LRRC7: variants seen among roughly 807,000 people sequenced by gnomAD.
LRRC7 encodes the protein leucine rich repeat containing 7, also known as leucine-rich repeat-containing protein 7.
A neutral mutation model predicts 175.7 loss-of-function variants in LRRC7; 23 were observed. The ratio of observed to expected loss-of-function variants is 0.13; its 90% CI spans 0.09 to 0.19. LRRC7 has a LOEUF of 0.19. Among genes scored for constraint, LRRC7 ranks in the 10% least tolerant of loss-of-function variants. The pLI is 1.00. For synonymous variants in LRRC7, 685 were observed against 680.9 expected (o/e 1.01, Z -0.09); for missense variants, 1,354 against 1,904.7 (o/e 0.71, Z 5.38).
intron 4 of LRRC7, among the ~76,000 whole-genome samples, chr1:69,811,993 A>G (rs1282446285): frequency 2.0e-5 from 3 of 152,184 alleles, no homozygotes; most frequent in South Asian, 4.1e-4. Context: ...AATGATTCAG[A>G]AATAAAGGAC....
chr1:69,879,043 G>C (rs946957204), intron 7 of LRRC7, among the ~76,000 whole-genome samples: 1 of 150,468 alleles, frequency 6.6e-6, no homozygotes, highest in Non-Finnish European at 1.5e-5. Context: ...AATGTAAACT[G>C]TGGACTTTGG....
intron 23 of LRRC7, among the ~76,000 whole-genome samples, chr1:70,070,780 G>T (rs1336331764): frequency 6.6e-6 from 1 of 152,154 alleles, no homozygotes; most frequent in Non-Finnish European, 1.5e-5. Flanking sequence ...ACCACTGGAT[G>T]ATGGGGAAAG....
intron 8 of LRRC7, among the ~76,000 whole-genome samples, chr1:69,971,491 G>C (rs1652233548): frequency 6.6e-6 from 1 of 152,140 alleles, no homozygotes; most frequent in African/African-American, 2.4e-5. Context: ...ACCAAGCGGA[G>C]AATCAGATCA....
At chr1:70,000,139 A>C (rs1450424292) in intron 11 of LRRC7, among the ~76,000 whole-genome samples, 1 of 152,214 alleles carries the variant, frequency 6.6e-6, no homozygotes, top group African/African-American at 2.4e-5. Context: ...TATAACAAAA[A>C]ATTCATGCTA....
intron 8 of LRRC7, among the ~76,000 whole-genome samples, chr1:69,940,925 G>A (rs1051185624): frequency 6.6e-6 from 1 of 152,052 alleles, no homozygotes; most frequent in Non-Finnish European, 1.5e-5. Context: ...AAAACACTGA[G>A]GAGAAATATA....
At chr1:70,101,193 A>G (rs1254630340) in intron 25 of LRRC7, among the ~76,000 whole-genome samples, 4 of 152,230 alleles carry the variant, frequency 2.6e-5, no homozygotes, top group East Asian at 1.9e-4. Context: ...TGCTGTTTTC[A>G]TGAGTCAGTT....
intron 25 of LRRC7, among the ~76,000 whole-genome samples, chr1:70,099,849 T>C (rs933388945): frequency 1.3e-5 from 2 of 152,114 alleles, no homozygotes; most frequent in Admixed American, 1.3e-4. Context: ...AATTCAAATA[T>C]TCACCACAAG....
intron 4 of LRRC7, among the ~76,000 whole-genome samples, chr1:69,816,715 C>T (rs1043394846): frequency 1.3e-5 from 2 of 152,074 alleles, no homozygotes; most frequent in African/African-American, 4.8e-5. Context: ...TAATTACTAA[C>T]TATAGTCTCC....
intron 2 of LRRC7, among the ~76,000 whole-genome samples, chr1:69,741,329 G>A (rs957170689): frequency 2.6e-5 from 4 of 151,894 alleles, no homozygotes; most frequent in Admixed American, 6.6e-5. Context: ...ACTGGGTATC[G>A]TGGGGTTTTT....
chr1:69,725,937 G>C (rs1666929466), intron 2 of LRRC7, among the ~76,000 whole-genome samples: 1 of 152,176 alleles, frequency 6.6e-6, no homozygotes, highest in Non-Finnish European at 1.5e-5. Context: ...GCTGAACAAA[G>C]GGCCTGGACC....
intron 5 of LRRC7, among the ~76,000 whole-genome samples, chr1:69,830,221 C>T (rs1053137772): frequency 1.3e-5 from 2 of 151,702 alleles, no homozygotes; most frequent in Admixed American, 6.6e-5. Context: ...TAATGCTCAG[C>T]AGTGAAGAAA....
chr1:70,098,084 T>G (rs1664542050), intron 25 of LRRC7, among the ~76,000 whole-genome samples: 1 of 151,894 alleles, frequency 6.6e-6, no homozygotes, highest in Non-Finnish European at 1.5e-5. Context: ...ACCAACAGTG[T>G]AAAAGTGTTC....
chr1:69,776,596 A>T (rs35508465), intron 3 of LRRC7, among the ~76,000 whole-genome samples: 4,619 of 152,308 alleles, frequency 0.03, 79 homozygotes, highest in African/African-American at 0.045. Context: ...CCAGTCAGAG[A>T]TTAGAGGAAA....
At chr1:69,669,417 C>G (rs1440081329) in intron 1 of LRRC7, among the ~76,000 whole-genome samples, 2 of 152,184 alleles carry the variant, frequency 1.3e-5, no homozygotes, top group African/African-American at 4.8e-5. Context: ...TATAAACTCT[C>G]TACTGAAAAG....
intron 4 of LRRC7, among the ~76,000 whole-genome samples, chr1:69,798,322 T>A (rs1229086497): frequency 6.6e-6 from 1 of 152,122 alleles, no homozygotes; most frequent in Non-Finnish European, 1.5e-5. Flanking sequence ...TCTGACTAAA[T>A]CATTTTTTAC....
rs1340770 is a variant in LRRC7, at chr1:69,760,240, G to A, written c.150G>A (p.Val50=). ...TTKRKIIGRL[V]PCRCFRGEEE... ...AACGGAAAATCATCGGCCGTCTGGTGCCATGCCGATGTTTCCGAGGTGAAG... is the reference window on the plus strand; with the variant it reads ...AACGGAAAATCATCGGCCGTCTGGTACCATGCCGATGTTTCCGAGGTGAAG... The change falls in exon 3 of 27, where the codon GTG becomes GTA. Residue 50 remains valine (V), a synonymous_variant. Coordinates refer to ENST00000651989, the MANE Select transcript of LRRC7 (RefSeq NM_001370785.2). 0.055 allele frequency: 89,419 copies of A among 1,612,642 alleles called. 3,016 individuals carry two copies. Among genetic ancestry groups the A allele is most frequent in the East Asian group, 0.14 (6,344 of 44,782 alleles).
rs530276028 is a variant in LRRC7, at chr1:69,718,412, C to G, written c.100+39934C>G. Among the ~76,000 whole-genome samples the G allele has an allele frequency of 1.1e-4, 17 of 151,862 alleles. No homozygotes were observed. In the East Asian group the frequency reaches 3.1e-3, roughly 28 times the overall value. Reference sequence around the variant, plus strand: ...GAGACCTGGAACACTAAAAGAATAACAGTTAACTTCAATAGAGGATATTAA... The same window carrying G: ...GAGACCTGGAACACTAAAAGAATAAGAGTTAACTTCAATAGAGGATATTAA... On this transcript the variant is annotated intron_variant, in intron 2 of 26. Transcript: ENST00000651989.
At chr1:69,671,753 C>T (rs1471828298) in intron 1 of LRRC7, among the ~76,000 whole-genome samples, 1 of 152,130 alleles carries the variant, frequency 6.6e-6, no homozygotes, top group African/African-American at 2.4e-5. Context: ...CAGCTGAGTT[C>T]AGCCTAGTTA....
At position 70,128,809 on chromosome 1, in the gene LRRC7, T is replaced by C. The variant is rs1558092291; in HGVS notation, c.*6922T>C. The stretch of plus-strand genomic sequence containing the variant: ...CAAGGCAATGTGGTGAGTCCCTTTA[T>C]TCCTGCCCTCAACCATCCTATTGCA... On this transcript the variant is annotated 3_prime_UTR_variant, in exon 27 of 27. Transcript: ENST00000651989. 6.6e-6 allele frequency: 1 copy of C among 152,198 alleles called. No individual in the cohort carries two copies. The highest frequency in any genetic ancestry group is 2.1e-4 in the South Asian group (1 of 4,822). 9.4% of individuals were successfully genotyped at this position (152,198 alleles called of 1,614,324 possible).
Sources: gnomAD v4.1 joint callset for allele counts (sites outside exome capture counted in the v4.1 genomes callset) on GRCh38, gnomAD v4.1.1 for gene constraint, MANE v1.5 for transcripts, NCBI Gene and HGNC (gene_info 2026-07-23, HGNC 2026-07-21) for gene names.